The following GRAMD2B variants were observed in gnomAD, a reference collection of about 807,000 sequenced individuals.
The protein encoded by GRAMD2B is GRAM domain containing 2B.
In GRAMD2B, 41 loss-of-function variants were observed where a neutral mutation model predicts 59.2. That is an observed-to-expected ratio of 0.69 (90% CI 0.54 to 0.90). The LOEUF is 0.90. Ranked by LOEUF, GRAMD2B falls within the 40% of genes least tolerant of loss-of-function variation. GRAMD2B has a pLI of 0.00. For synonymous variants in GRAMD2B, 161 were observed against 182.7 expected (o/e 0.88, Z 0.96); for missense variants, 424 against 500.5 (o/e 0.85, Z 1.46).
At chr5:126,400,450 T>C (rs1052021167) in intron 1 of GRAMD2B, among the ~76,000 whole-genome samples, 1 of 152,160 alleles carries the variant, frequency 6.6e-6, no homozygotes, top group African/African-American at 2.4e-5. Flanking sequence ...TTTAATACTT[T>C]TGTCTATTAT....
At chr5:126,469,826 G>T in intron 3 of GRAMD2B, 38 bp downstream of exon 3, 1 of 1,469,852 alleles carries the variant, frequency 6.8e-7, no homozygotes, top group South Asian at 1.2e-5. Context: ...CTTAGAGGGT[G>T]ACAGGGCTAC....
At chr5:126,368,719 C>T (rs1303330825), upstream of GRAMD2B, among the ~76,000 whole-genome samples, 1 of 152,192 alleles carries the variant, frequency 6.6e-6, no homozygotes, top group Non-Finnish European at 1.5e-5. Flanking sequence ...GTGACCCCTG[C>T]TCTAGACTTT....
At chr5:126,392,856 C>A (rs1756961006) in intron 1 of GRAMD2B, among the ~76,000 whole-genome samples, 1 of 152,146 alleles carries the variant, frequency 6.6e-6, no homozygotes, top group African/African-American at 2.4e-5. Flanking sequence ...GGTTTGTGCT[C>A]CTATGAGAAT....
intron 1 of GRAMD2B, among the ~76,000 whole-genome samples, chr5:126,411,818 C>T (rs1758816637): frequency 7.3e-6 from 1 of 137,830 alleles, no homozygotes; most frequent in Non-Finnish European, 1.6e-5. Context: ...AGATCTTTCA[C>T]CACATTGGTT....
At chr5:126,388,692 T>G (rs549338471) in intron 1 of GRAMD2B, among the ~76,000 whole-genome samples, 89 of 151,734 alleles carry the variant, frequency 5.9e-4, no homozygotes, top group African/African-American at 2.1e-3. Context: ...TTATACAACA[T>G]ATTTGTAATG....
At chr5:126,371,025 C>T (rs1194937350), upstream of GRAMD2B, among the ~76,000 whole-genome samples, 2 of 152,220 alleles carry the variant, frequency 1.3e-5, no homozygotes, top group Admixed American at 6.5e-5. Flanking sequence ...ACATTGCTCA[C>T]CCTGTTGGTC....
rs190803672 is a variant in GRAMD2B at position 126,408,404 on chromosome 5, G to A, written c.125+36837G>A. On this transcript the variant is annotated intron_variant, in intron 1 of 8. Coordinates refer to the GRAMD2B transcript ENST00000506445. ...TTTGCTATTGTGAATAGTGCTGCAA[G>A]GAACATACAAGTGCATGTGTCTTTT... is the stretch of plus-strand genomic sequence containing the variant. Among the ~76,000 whole-genome samples the A allele has an allele frequency of 4.0e-3, 603 of 151,970 alleles. 4 individuals carry two copies. Among genetic ancestry groups the A allele is most frequent in the Non-Finnish European group, 5.2e-3 (350 of 67,904 alleles).
chr5:126,402,863 G>A (rs1311864811), intron 1 of GRAMD2B, among the ~76,000 whole-genome samples: 3 of 151,934 alleles, frequency 2.0e-5, no homozygotes, highest in Admixed American at 6.6e-5. Context: ...CATGAGTTTT[G>A]GATAAAGGCC....
intron 1 of GRAMD2B, among the ~76,000 whole-genome samples, chr5:126,375,699 C>T (rs1428462788): frequency 6.6e-6 from 1 of 152,158 alleles, no homozygotes; most frequent in African/African-American, 2.4e-5. Context: ...TGCTTTATTA[C>T]ACAAGCAAGG....
intron 1 of GRAMD2B, among the ~76,000 whole-genome samples, chr5:126,417,637 C>T (rs962244547): frequency 6.6e-6 from 1 of 152,184 alleles, no homozygotes; most frequent in South Asian, 2.1e-4. Flanking sequence ...TTGTTTTAAG[C>T]CACCAGGTTT....
At chr5:126,372,602 A>C (rs1754857709) in intron 1 of GRAMD2B, among the ~76,000 whole-genome samples, 3 of 152,170 alleles carry the variant, frequency 2.0e-5, no homozygotes. Context: ...AATGTGTGCA[A>C]ATTGTTTTGT....
intron 1 of GRAMD2B, among the ~76,000 whole-genome samples, chr5:126,361,991 T>A (rs1754242897): frequency 6.6e-6 from 1 of 152,220 alleles, no homozygotes; most frequent in Admixed American, 6.5e-5. Flanking sequence ...ACAAGCATGT[T>A]AAGCCTACCA....
upstream of GRAMD2B, among the ~76,000 whole-genome samples, chr5:126,368,084 T>A (rs575540841): frequency 1.6e-3 from 243 of 152,274 alleles, no homozygotes; most frequent in African/African-American, 5.1e-3. Flanking sequence ...TCAATTCCCA[T>A]GGAAGGATAT....
intron 1 of GRAMD2B, chr5:126,433,415 A>G (rs911013042): frequency 6.6e-6 from 1 of 152,232 alleles, no homozygotes; most frequent in Non-Finnish European, 1.5e-5. Context: ...GCAGAAGACA[A>G]AGTAACTCCC....
At chr5:126,371,819 C>G (rs1380306959) in intron 1 of GRAMD2B, among the ~76,000 whole-genome samples, 3 of 152,190 alleles carry the variant, frequency 2.0e-5, no homozygotes, top group Non-Finnish European at 2.9e-5. Flanking sequence ...TTAGTACTTT[C>G]TTAGTACTGG....
At chr5:126,441,203 A>G (rs547289743) in intron 1 of GRAMD2B, among the ~76,000 whole-genome samples, 7 of 152,272 alleles carry the variant, frequency 4.6e-5, no homozygotes, top group Admixed American at 2.6e-4. Flanking sequence ...TGTAGAGGAG[A>G]TAGATACCTT....
At chr5:126,432,540 A>C (rs922923464) in intron 1 of GRAMD2B, among the ~76,000 whole-genome samples, 14 of 152,228 alleles carry the variant, frequency 9.2e-5, no homozygotes, top group Non-Finnish European at 1.9e-4. Context: ...TCAATTCATC[A>C]TGACAACTTT....
At chr5:126,444,965 G>T (rs1763942930) in intron 1 of GRAMD2B, among the ~76,000 whole-genome samples, 1 of 152,164 alleles carries the variant, frequency 6.6e-6, no homozygotes, top group African/African-American at 2.4e-5. Flanking sequence ...TTCTTTTCCT[G>T]CATTAGTTGG....
At chr5:126,486,785 G>T in intron 11 of GRAMD2B, 88 bp from the exon 12 acceptor site, 1 of 721,768 alleles carries the variant, frequency 1.4e-6, no homozygotes, top group Non-Finnish European at 2.5e-6. Context: ...ACCTTGCCTC[G>T]GGTGTACCAC....
Sources: gnomAD v4.1 joint callset for allele counts (sites outside exome capture counted in the v4.1 genomes callset) on GRCh38, gnomAD v4.1.1 for gene constraint, MANE v1.5 for transcripts, NCBI Gene and HGNC (gene_info 2026-07-23, HGNC 2026-07-21) for gene names.